The following MN1 variants were observed in gnomAD, a reference collection of about 807,000 sequenced individuals.
MN1 encodes MN1 proto-oncogene, transcriptional regulator.
A neutral mutation model predicts 86.9 loss-of-function variants in MN1; 19 were observed. That is an observed-to-expected ratio of 0.22 (90% confidence interval 0.15 to 0.32). The LOEUF is 0.32. Among genes scored for constraint, MN1 ranks in the 10% least tolerant of loss-of-function variants. The pLI, the probability that MN1 is intolerant of heterozygous loss-of-function variation, is 1.00. For missense variants in MN1, 1,841 were observed against 1,862.0 expected (o/e 0.99, Z 0.21); for synonymous variants, 928 against 849.6 (o/e 1.09, Z -1.60).
intron 1 of MN1, among the ~76,000 whole-genome samples, chr22:27,768,808 A>C (rs2146300255): frequency 6.6e-6 from 1 of 152,254 alleles, no homozygotes; most frequent in Non-Finnish European, 1.5e-5. Flanking sequence ...TCTGTCTCTA[A>C]AAATAATTAA....
At chr22:27,779,933 C>T (rs1933029001) in intron 1 of MN1, among the ~76,000 whole-genome samples, 1 of 152,124 alleles carries the variant, frequency 6.6e-6, no homozygotes, top group Non-Finnish European at 1.5e-5. Flanking sequence ...CTCAGGGAGC[C>T]ACTGACATGC....
chr22:27,798,083 C>G lies in MN1; in HGVS notation c.2461G>C (p.Gly821Arg). ...GAGAGCGCAGCCAGGCAGCTCTGGC[C>G]GAACAGGTTGTCCTTGGAGCTGGGC... ...NKPSSKDNLFGQSCLAALSTA... is the reference protein window; with the variant it reads ...NKPSSKDNLFRQSCLAALSTA... Residue 821 changes from glycine to arginine, a missense_variant, in exon 1 of 2, where the codon GGC becomes CGC. Transcript: ENST00000302326. The G allele has an allele frequency of 6.2e-7, 1 of 1,611,404 alleles. No homozygotes were observed. Among genetic ancestry groups the G allele is most frequent in the Non-Finnish European group, 8.5e-7 (1 of 1,179,860 alleles).
Position 27,772,253 on chromosome 22 carries a change from C to T in MN1, c.3782-21157G>A, listed in dbSNP as rs114354143. 1.4e-3 allele frequency among the ~76,000 whole-genome samples: 218 copies of T among 152,314 alleles called. 1 individual carries two copies. Among genetic ancestry groups the T allele is most frequent in the African/African-American group, 4.8e-3 (199 of 41,570 alleles). On this transcript the variant is annotated intron_variant, in intron 1 of 1. Coordinates refer to ENST00000302326, the MANE Select transcript of MN1 (RefSeq NM_002430.3). ...TGGGCCAACTCAGCCCTTTTTCACC[C>T]CACTGCCTCGCTGTGTCTCAGCAGA...
rs1933412850 is a variant in MN1 at position 27,800,434 on chromosome 22, G to A, written c.110C>T (p.Pro37Leu). ...AGGGGGCCCCCCAGTGTGGAAAGCC[G>A]GGGCCTTAAAGTGGGTGTTCATGCT... ...GLSMNTHFKA[P>L]AFHTGGPPGP... Residue 37 changes from proline to leucine, a missense_variant, in exon 1 of 2, where the codon CCG becomes CTG. Physicochemically the swap from Pro to Leu is moderately conservative, Grantham distance 98. Coordinates refer to ENST00000302326, the MANE Select transcript of MN1 (RefSeq NM_002430.3). The A allele has an allele frequency of 1.2e-6, 2 of 1,614,218 alleles. No individual in the cohort carries two copies. Among genetic ancestry groups the A allele is most frequent in the South Asian group, 1.1e-5 (1 of 91,090 alleles).
Position 27,800,064 on chromosome 22 carries a change from C to A in MN1, c.480G>T (p.Gln160His). Residue 160 changes from glutamine (Q) to histidine (H), a missense_variant, in exon 1 of 2, where the codon CAG (glutamine) becomes CAT (histidine). Physicochemically the swap from Gln to His is conservative, Grantham distance 24. Coordinates refer to ENST00000302326, the MANE Select transcript of MN1 (RefSeq NM_002430.3). ...AEGYEHMAESQGPESFGPQRP... is the reference protein window; with the variant it reads ...AEGYEHMAESHGPESFGPQRP... ...GCTGCGGGCCGAAGCTCTCAGGCCCCTGGCTCTCCGCCATGTGCTCATAGC... is the reference window on the plus strand; with the variant it reads ...GCTGCGGGCCGAAGCTCTCAGGCCCATGGCTCTCCGCCATGTGCTCATAGC... 6.3e-7 allele frequency: 1 copy of A among 1,599,990 alleles called. No individual in the cohort carries two copies. The highest frequency in any genetic ancestry group is 1.3e-5 in the African/African-American group (1 of 75,010).
intron 1 of MN1, among the ~76,000 whole-genome samples, chr22:27,775,227 C>T (rs1297751308): frequency 1.3e-5 from 2 of 152,174 alleles, no homozygotes; most frequent in Non-Finnish European, 2.9e-5. Context: ...GCACATGCTC[C>T]ACCCTCCAAC....
intron 1 of MN1, among the ~76,000 whole-genome samples, chr22:27,768,009 G>C (rs1932883442): frequency 6.6e-6 from 1 of 152,024 alleles, no homozygotes; most frequent in Non-Finnish European, 1.5e-5. Flanking sequence ...ACACAGCAAG[G>C]GAGCAGCCAA....
chr22:27,763,931 G>A (rs1010894253), intron 1 of MN1, among the ~76,000 whole-genome samples: 1 of 152,176 alleles, frequency 6.6e-6, no homozygotes, highest in South Asian at 2.1e-4. Flanking sequence ...GCAAGTAGGG[G>A]GTTAAGCAAG....
chr22:27,751,710 G>C (rs1178595765), intron 1 of MN1, among the ~76,000 whole-genome samples: 1 of 152,158 alleles, frequency 6.6e-6, no homozygotes, highest in Non-Finnish European at 1.5e-5. Flanking sequence ...CTTGCCCCGA[G>C]TCACACAGGA....
At position 27,798,585 on chromosome 22, in the gene MN1, G is replaced by A. The variant is rs1336240754; in HGVS notation, c.1959C>T (p.Pro653=). ...LPRRMGGSGL[P]ADCGPHDPSL... is the part of the protein sequence containing the mutation. ...TGGGGTCGTGCGGGCCACAGTCAGC[G>A]GGCAGACCCGAGCCGCCCATCCTAC... Residue 653 remains proline, a synonymous_variant, in exon 1 of 2, where the codon CCC becomes CCT. Coordinates refer to ENST00000302326, the MANE Select transcript of MN1 (RefSeq NM_002430.3). 7.8e-6 allele frequency: 12 copies of A among 1,547,592 alleles called. No individual in the cohort carries two copies. In the East Asian group the frequency reaches 1.2e-4, roughly 15 times the overall value.
At chr22:27,760,487 T>A (rs1221630454) in intron 1 of MN1, among the ~76,000 whole-genome samples, 1 of 151,316 alleles carries the variant, frequency 6.6e-6, no homozygotes. Context: ...CCAGCCAGAG[T>A]GACAGAGCAA....
chr22:27,769,849 C>T (rs1932900148), intron 1 of MN1, among the ~76,000 whole-genome samples: 1 of 140,844 alleles, frequency 7.1e-6, no homozygotes, highest in African/African-American at 2.5e-5. Flanking sequence ...CAACTGTGCC[C>T]GGCAAGGATG....
rs147743842 is a variant in MN1, at chr22:27,792,911, C to T, written c.3781+3852G>A. 1.8e-3 allele frequency among the ~76,000 whole-genome samples: 280 copies of T among 152,242 alleles called. 1 individual carries two copies. The highest frequency in any genetic ancestry group is 6.5e-3 in the African/African-American group (269 of 41,556). ...CCTGCCCCCCCGCCCCAAGTCTGCC[C>T]TATGTCTAAAGAAATTCCATGTTCA... On this transcript the variant is annotated intron_variant, in intron 1 of 1. Transcript: ENST00000302326.
At position 27,798,502 on chromosome 22, in the gene MN1, T is replaced by G. The variant is rs1383068951; in HGVS notation, c.2042A>C (p.Gln681Pro). ...GSGVLFRGPL[Q>P]EPMRMPGEGH... ...CTCTCCGGGCATCCTCATCGGCTCC[T>G]GCAGAGGGCCCCGGAACAGCACCCC... is the stretch of plus-strand genomic sequence containing the variant. The change falls in exon 1 of 2, where the codon CAG becomes CCG. Residue 681 changes from glutamine to proline, a missense_variant. Transcript: ENST00000302326. 4 of 1,546,406 alleles carry G rather than the reference T, an allele frequency of 2.6e-6. No homozygotes were observed. In the South Asian group the frequency reaches 3.6e-5, roughly 14 times the overall value.
chr22:27,778,430 G>C (rs920857739), intron 1 of MN1, among the ~76,000 whole-genome samples: 1 of 152,202 alleles, frequency 6.6e-6, no homozygotes. Flanking sequence ...CCCACAGGGG[G>C]ACGCCCACTC....
At chr22:27,787,776 C>T (rs529419528) in intron 1 of MN1, among the ~76,000 whole-genome samples, 4 of 152,168 alleles carry the variant, frequency 2.6e-5, no homozygotes, top group Non-Finnish European at 5.9e-5. Flanking sequence ...GGGACCAGCT[C>T]CTCTGCAGGA....
intron 1 of MN1, among the ~76,000 whole-genome samples, chr22:27,791,131 G>A (rs962024270): frequency 6.6e-6 from 1 of 151,920 alleles, no homozygotes; most frequent in Non-Finnish European, 1.5e-5. Context: ...GGAGAGAGGG[G>A]GGCTTCTTCA....
rs1568985981 is a variant in MN1 at position 27,799,675 on chromosome 22, G to A, written c.869C>T (p.Ala290Val). 6.4e-7 allele frequency: 1 copy of A among 1,552,518 alleles called. No individual in the cohort carries two copies. Among genetic ancestry groups the A allele is most frequent in the African/African-American group, 1.4e-5 (1 of 73,416 alleles). Residue 290 changes from alanine (A) to valine (V), a missense_variant, in exon 1 of 2, where the codon GCC (alanine) becomes GTC (valine). Coordinates refer to ENST00000302326, the MANE Select transcript of MN1 (RefSeq NM_002430.3). ...AGMVGLSKMH[A>V]QPPQQQPQQQ... is the part of the protein sequence containing the mutation. ...CTGGGGCTGCTGCTGCGGTGGCTGG[G>A]CGTGCATTTTGGACAAGCCCACCAT...
At chr22:27,773,946 G>GC (rs1932943840) in intron 1 of MN1, among the ~76,000 whole-genome samples, 1 of 152,068 alleles carries the variant, frequency 6.6e-6, no homozygotes, top group Non-Finnish European at 1.5e-5. Flanking sequence ...GAGCCACCGC[G>GC]CCCGGCCTTG....
Sources: gnomAD v4.1 joint callset for allele counts (sites outside exome capture counted in the v4.1 genomes callset) on GRCh38, gnomAD v4.1.1 for gene constraint, MANE v1.5 for transcripts, NCBI Gene and HGNC (gene_info 2026-07-23, HGNC 2026-07-21) for gene names.